PTPRD: variants seen among roughly 807,000 people sequenced by gnomAD.
The protein encoded by PTPRD is receptor-type tyrosine-protein phosphatase delta.
PTPRD carries 34 observed loss-of-function variants against 214.5 expected under a neutral mutation model. The observed-to-expected ratio is 0.16, with a 90% confidence interval of 0.12 to 0.21. PTPRD has a LOEUF of 0.21. Ranked by LOEUF, PTPRD falls within the 10% of genes least tolerant of loss-of-function variation. PTPRD has a pLI of 1.00. For missense variants in PTPRD, 2,545 were observed against 2,398.7 expected (o/e 1.06, Z -1.27); for synonymous variants, 1,128 against 845.7 (o/e 1.33, Z -5.79).
intron 4 of PTPRD, among the ~76,000 whole-genome samples, chr9:9,945,319 A>G (rs1336402404): frequency 1.3e-5 from 2 of 152,168 alleles, no homozygotes; most frequent in African/African-American, 2.4e-5. Context: ...TATAGGTGGT[A>G]TTATAAACAT....
At chr9:10,197,568 T>C (rs1344486171) in intron 3 of PTPRD, among the ~76,000 whole-genome samples, 1 of 152,176 alleles carries the variant, frequency 6.6e-6, no homozygotes, top group African/African-American at 2.4e-5. Flanking sequence ...AGGTACGTTT[T>C]GACTGTCTTT....
At chr9:9,067,454 C>T (rs564800789) in intron 10 of PTPRD, among the ~76,000 whole-genome samples, 373 of 151,958 alleles carry the variant, frequency 2.5e-3, no homozygotes, top group Non-Finnish European at 4.0e-3. Context: ...AATAGTGTAC[C>T]ATGTTTCTAA....
intron 32 of PTPRD, among the ~76,000 whole-genome samples, chr9:8,464,568 A>G (rs569417208): frequency 6.6e-6 from 1 of 152,074 alleles, no homozygotes; most frequent in African/African-American, 2.4e-5. Flanking sequence ...AGCTGCTTCT[A>G]TATGGGAAAT....
At position 10,128,740 on chromosome 9, in the gene PTPRD, T is replaced by A. The variant is rs117435570; in HGVS notation, c.-544-94950A>T. ...GGACTCCCTCACCGTTAAGAACTAG[T>A]CCAAGTTTCACAACCATCACAAACT... On this transcript the variant is annotated intron_variant, in intron 3 of 45. Coordinates refer to ENST00000381196, the MANE Select transcript of PTPRD (RefSeq NM_002839.4). Among the ~76,000 whole-genome samples, 13 of 152,230 alleles carry A rather than the reference T, an allele frequency of 8.5e-5. No individual in the cohort carries two copies. In the East Asian group the frequency reaches 2.5e-3, roughly 29 times the overall value.
intron 12 of PTPRD, among the ~76,000 whole-genome samples, chr9:8,662,685 C>T (rs866915283): frequency 3.9e-5 from 6 of 152,278 alleles, no homozygotes; most frequent in Non-Finnish European, 7.4e-5. Flanking sequence ...TACTGCCTTT[C>T]CCTCAAATCA....
At chr9:10,392,750 A>C (rs1278852273) in intron 2 of PTPRD, among the ~76,000 whole-genome samples, 1 of 151,890 alleles carries the variant, frequency 6.6e-6, no homozygotes, top group Admixed American at 6.6e-5. Context: ...CACTGAAAAA[A>C]CAGAAAAAGG....
At chr9:9,787,775 A>AT (rs1035752517) in intron 5 of PTPRD, among the ~76,000 whole-genome samples, 2 of 149,214 alleles carry the variant, frequency 1.3e-5, no homozygotes, top group East Asian at 2.0e-4. Context: ...TTTTTTATTT[A>AT]TTATTATTAT....
intron 11 of PTPRD, among the ~76,000 whole-genome samples, chr9:8,781,221 A>T (rs887177435): frequency 1.3e-5 from 2 of 152,226 alleles, no homozygotes; most frequent in African/African-American, 4.8e-5. Context: ...GGGGGCAATC[A>T]GCTGTCCAGA....
Position 8,616,448 on chromosome 9 carries a change from C to T in PTPRD, c.352+16869G>A, listed in dbSNP as rs72698230. ...ACCATGTCTTCATAAAATTTCAAAG[C>T]CCATGTGTTAAAGGAAAGAAGTATT... On this transcript the variant is annotated intron_variant, in intron 14 of 45. Coordinates refer to ENST00000381196, the MANE Select transcript of PTPRD (RefSeq NM_002839.4). 2.7e-3 allele frequency among the ~76,000 whole-genome samples: 411 copies of T among 152,148 alleles called. 1 individual carries two copies. The highest frequency in any genetic ancestry group is 4.0e-3 in the Admixed American group (61 of 15,250).
intron 3 of PTPRD, among the ~76,000 whole-genome samples, chr9:10,131,983 T>A (rs7023442): frequency 0.019 from 2,876 of 152,254 alleles, 94 homozygotes; most frequent in African/African-American, 0.064. Context: ...TGGGTTAGCC[T>A]CTCTTCAACT....
At chr9:9,093,802 C>G (rs1039067181) in intron 10 of PTPRD, among the ~76,000 whole-genome samples, 52 of 150,570 alleles carry the variant, frequency 3.5e-4, no homozygotes, top group African/African-American at 1.3e-3. Context: ...GAAGAGCAAG[C>G]AGAAGGAAGA....
At chr9:9,102,783 G>C (rs2099793126) in intron 10 of PTPRD, among the ~76,000 whole-genome samples, 1 of 152,192 alleles carries the variant, frequency 6.6e-6, no homozygotes, top group South Asian at 2.1e-4. Flanking sequence ...TAAACTGGTA[G>C]AGATTTTTTC....
intron 5 of PTPRD, among the ~76,000 whole-genome samples, chr9:9,794,114 G>C (rs115435637): frequency 0.018 from 2,765 of 151,124 alleles, 81 homozygotes; most frequent in African/African-American, 0.064. Flanking sequence ...GAGTTAGACA[G>C]ATAAACATCT....
chr9:8,437,498 T>C (rs1368757436), intron 34 of PTPRD, among the ~76,000 whole-genome samples: 1 of 152,082 alleles, frequency 6.6e-6, no homozygotes, highest in Non-Finnish European at 1.5e-5. Flanking sequence ...CTGACGATAA[T>C]CACTGACGGC....
intron 14 of PTPRD, among the ~76,000 whole-genome samples, chr9:8,565,106 G>C (rs908202051): frequency 4.6e-5 from 7 of 152,110 alleles, no homozygotes; most frequent in Admixed American, 4.6e-4. Flanking sequence ...CGAACATGTG[G>C]CCATGTAATC....
rs1003684569 is a variant in PTPRD at position 8,528,465 on chromosome 9, G to C, written c.541+126C>G. 7 of 851,244 alleles carry C rather than the reference G, an allele frequency of 8.2e-6. No homozygotes were observed. The African/African-American group carries it at 1.2e-4, about 15-fold the overall frequency. 52.7% of individuals were successfully genotyped at this position (851,244 alleles called of 1,614,324 possible). ...CATGGACCACCCATTAAGTAACAGA[G>C]AAAGAGAAGAGGGAGAAAAATCAGT... On this transcript the variant is annotated intron_variant, in intron 15 of 45. Transcript: ENST00000381196.
intron 3 of PTPRD, among the ~76,000 whole-genome samples, chr9:10,062,250 G>A (rs1012027307): frequency 1.3e-5 from 2 of 152,040 alleles, no homozygotes. Context: ...TCCACAGCGT[G>A]ATAAGTAATT....
At chr9:8,871,076 G>C (rs1195453487) in intron 11 of PTPRD, among the ~76,000 whole-genome samples, 1 of 152,110 alleles carries the variant, frequency 6.6e-6, no homozygotes, top group Non-Finnish European at 1.5e-5. Context: ...TACACGTGTT[G>C]CTAGGTTCAT....
chr9:9,363,777 C>T (rs1596397787), intron 9 of PTPRD, among the ~76,000 whole-genome samples: 1 of 151,250 alleles, frequency 6.6e-6, no homozygotes, highest in Non-Finnish European at 1.5e-5. Flanking sequence ...ACTTAGAAAC[C>T]ATCGATATAT....
Sources: gnomAD v4.1 joint callset for allele counts (sites outside exome capture counted in the v4.1 genomes callset) on GRCh38, gnomAD v4.1.1 for gene constraint, MANE v1.5 for transcripts, NCBI Gene and HGNC (gene_info 2026-07-23, HGNC 2026-07-21) for gene names.